Variants in PEX13 observed in about 807,000 individuals in gnomAD.
PEX13 encodes the protein peroxisome biogenesis factor 13.
In PEX13, 28 loss-of-function variants were observed where a neutral mutation model predicts 34.5. That is an observed-to-expected ratio of 0.81 (90% CI 0.60 to 1.11). The LOEUF is 1.11. Ranked by LOEUF, PEX13 falls within the 50% of genes most tolerant of loss-of-function variation. PEX13 has a pLI of 0.00. For synonymous variants in PEX13, 177 were observed against 175.1 expected (o/e 1.01, Z -0.09); for missense variants, 550 against 491.0 (o/e 1.12, Z -1.13).
At chr2:61,037,197 C>T (rs1487621962) in intron 2 of PEX13, among the ~76,000 whole-genome samples, 1 of 152,050 alleles carries the variant, frequency 6.6e-6, no homozygotes, top group African/African-American at 2.4e-5. Context: ...AGCCCACTGT[C>T]AATATTAGAT....
intron 2 of PEX13, among the ~76,000 whole-genome samples, chr2:61,033,740 T>C (rs1247401190): frequency 2.0e-5 from 3 of 152,088 alleles, no homozygotes; most frequent in Non-Finnish European, 4.4e-5. Context: ...CTACAGCTCT[T>C]TGAAGGAAGA....
rs1559020589 is a variant in PEX13, at chr2:61,017,828, A to C, written c.69A>C (p.Gly23=). Residue 23 remains glycine (G), a synonymous_variant, in exon 1 of 4, where the codon GGA becomes GGC. Transcript: ENST00000295030. ...ETRRIPGAGP[G]PGPGPTFQSA... ...GCCGAATTCCGGGAGCCGGACCGGG[A>C]CCAGGACCGGGCCCCACTTTCCAGT... The C allele has an allele frequency of 3.2e-6, 5 of 1,550,468 alleles. No homozygotes were observed. Among genetic ancestry groups the C allele is most frequent in the Non-Finnish European group, 4.4e-6 (5 of 1,146,770 alleles).
rs2104815229 is a variant in PEX13 at position 61,049,493 on chromosome 2, G to A, written c.*723G>A. 1 of 152,428 alleles carries A rather than the reference G, an allele frequency of 6.6e-6. No homozygotes were observed. Among genetic ancestry groups the A allele is most frequent in the Middle Eastern group, 3.4e-3 (1 of 294 alleles). 9.4% of individuals were successfully genotyped at this position (152,428 alleles called of 1,614,324 possible). On this transcript the variant is annotated 3_prime_UTR_variant, in exon 4 of 4. Transcript: ENST00000295030. The stretch of plus-strand genomic sequence containing the variant: ...ATCCCTTAATTATTTATCTCTTTAA[G>A]CCAGGCATGGTGGCTCACGCCTGTA...
chr2:61,028,520 G>A (rs1431997844), intron 1 of PEX13, among the ~76,000 whole-genome samples: 1 of 151,808 alleles, frequency 6.6e-6, no homozygotes, highest in East Asian at 1.9e-4. Flanking sequence ...CCGAGTAGCT[G>A]GGACTACAGG....
At chr2:61,035,747 G>T (rs1291359529) in intron 2 of PEX13, among the ~76,000 whole-genome samples, 1 of 152,100 alleles carries the variant, frequency 6.6e-6, no homozygotes, top group Non-Finnish European at 1.5e-5. Context: ...ACTTTGTGAG[G>T]CCAAGGCGGG....
intron 2 of PEX13, among the ~76,000 whole-genome samples, chr2:61,044,173 C>A (rs1680669117): frequency 6.6e-6 from 1 of 152,126 alleles, no homozygotes; most frequent in African/African-American, 2.4e-5. Flanking sequence ...TGGTCTTGAA[C>A]TCCTGGCCTC....
chr2:61,042,659 C>T (rs1680643321), intron 2 of PEX13, among the ~76,000 whole-genome samples: 1 of 151,912 alleles, frequency 6.6e-6, no homozygotes, highest in South Asian at 2.1e-4. Context: ...AGAATTTCCG[C>T]ATCAAAATAA....
At position 61,050,467 on chromosome 2, in the gene PEX13, A is replaced by C. The variant is rs1399549421; in HGVS notation, c.*1697A>C. The C allele has an allele frequency of 6.6e-6, 1 of 152,364 alleles. No individual in the cohort carries two copies. The highest frequency in any genetic ancestry group is 1.5e-5 in the Non-Finnish European group (1 of 68,040). The allele number at this position is 152,364 out of a possible 1,614,324, so 9.4% of individuals were successfully genotyped here. A position where few individuals can be genotyped will look rare whatever the true frequency, so the allele number is the denominator to read the frequency against. On this transcript the variant is annotated 3_prime_UTR_variant, in exon 4 of 4. Transcript: ENST00000295030. ...TTTAAATGCAGTTAACTTTCAGTAC[A>C]CTGAATATTTCCCCAGAAAATTGGA... is the stretch of plus-strand genomic sequence containing the variant.
chr2:61,038,143 C>A (rs1680565882), intron 2 of PEX13, among the ~76,000 whole-genome samples: 1 of 152,158 alleles, frequency 6.6e-6, no homozygotes, highest in Non-Finnish European at 1.5e-5. Flanking sequence ...AGTCCAGGAC[C>A]AGACAGATTC....
chr2:61,044,369 A>T (rs949511601), intron 2 of PEX13, among the ~76,000 whole-genome samples: 7 of 152,148 alleles, frequency 4.6e-5, no homozygotes, highest in African/African-American at 7.2e-5. Flanking sequence ...CCCAGGTTCA[A>T]GCGATTCAAG....
chr2:61,027,125 C>T (rs1680369918), intron 1 of PEX13, among the ~76,000 whole-genome samples: 1 of 150,550 alleles, frequency 6.6e-6, no homozygotes. Flanking sequence ...GAGTTGGAAA[C>T]CAGCCTCTCA....
Position 61,020,970 on chromosome 2 carries a change from T to G in PEX13, c.92+3119T>G, listed in dbSNP as rs191816602. 2.4e-3 allele frequency among the ~76,000 whole-genome samples: 359 copies of G among 152,306 alleles called. 1 individual carries two copies. Among genetic ancestry groups the G allele is most frequent in the Non-Finnish European group, 3.2e-3 (216 of 68,020 alleles). ...ATGCCCAGCCCTTACCTTGCTCAGA[T>G]TTTTATTGTGAAGAAATATTAAATT... On this transcript the variant is annotated intron_variant, in intron 1 of 3. Transcript: ENST00000295030.
In PEX13 at chr2:61,031,633, C is replaced by T. The variant is rs767987790; in HGVS notation, c.307C>T (p.Leu103=). The change falls in exon 2 of 4, where the codon CTG becomes TTG. Residue 103 remains leucine (L), a synonymous_variant. Coordinates refer to ENST00000295030, the MANE Select transcript of PEX13 (RefSeq NM_002618.4). The part of the protein sequence containing the change: ...YSPYSYGYNG[L]GYNRLRVDDL... ...TCCTTATAGTTATGGATATAATGGG[C>T]TGGGCTACAACCGCCTCCGTGTAGA... 21 of 1,613,920 alleles carry T rather than the reference C, an allele frequency of 1.3e-5. No homozygotes were observed. The highest frequency in any genetic ancestry group is 1.4e-5 in the Non-Finnish European group (17 of 1,179,980).
At chr2:61,047,090 G>A (rs1022068990) in intron 3 of PEX13, among the ~76,000 whole-genome samples, 2 of 150,924 alleles carry the variant, frequency 1.3e-5, no homozygotes, top group Non-Finnish European at 3.0e-5. Context: ...GCAACGTAGT[G>A]TAACCTTGTC....
chr2:61,049,102 A>C lies in PEX13; in HGVS notation c.*332A>C. 3 of 262,050 alleles carry C rather than the reference A, an allele frequency of 1.1e-5. No individual in the cohort carries two copies. Among genetic ancestry groups the C allele is most frequent in the Non-Finnish European group, 2.2e-5 (3 of 135,592 alleles). 16.2% of individuals were successfully genotyped at this position (262,050 alleles called of 1,614,324 possible). A position where few individuals can be genotyped will look rare whatever the true frequency, so the allele number is the denominator to read the frequency against. On this transcript the variant is annotated 3_prime_UTR_variant, in exon 4 of 4. Transcript: ENST00000295030. Reference sequence around the variant, plus strand: ...TAGCATGCACAGTTTGGTACAGTAGAGATCATTAATACTTTTAAAAGTTCT... The same window carrying C: ...TAGCATGCACAGTTTGGTACAGTAGCGATCATTAATACTTTTAAAAGTTCT...
At chr2:61,037,874 GA>G (rs1457481656) in intron 2 of PEX13, among the ~76,000 whole-genome samples, 1 of 151,514 alleles carries the variant, frequency 6.6e-6, no homozygotes, top group Non-Finnish European at 1.5e-5. Context: ...GACTAATAAA[GA>G]AAAGAGAGAA....
Position 61,048,588 on chromosome 2 carries a change from G to T in PEX13, c.1030G>T (p.Glu344Ter). The T allele has an allele frequency of 3.7e-6, 6 of 1,614,094 alleles. No individual in the cohort carries two copies. The highest frequency in any genetic ancestry group is 5.1e-6 in the Non-Finnish European group (6 of 1,180,014). ...CAAAAGAAAAGGTAGGAAAACGGTGGAATCAAGTAAAGTTTCCAAGCAGCA... is the reference window on the plus strand; with the variant it reads ...CAAAAGAAAAGGTAGGAAAACGGTGTAATCAAGTAAAGTTTCCAAGCAGCA... ...LGKRKGRKTV[E>*]SSKVSKQQQS... The change falls in exon 4 of 4, where the codon GAA (glutamate) becomes TAA (stop). Residue 344 changes from glutamate (E) to a stop codon, truncating the protein, a stop_gained. Coordinates refer to ENST00000295030, the MANE Select transcript of PEX13 (RefSeq NM_002618.4). LOFTEE classifies it high-confidence loss of function.
At chr2:61,022,742 C>T (rs2104796784) in intron 1 of PEX13, among the ~76,000 whole-genome samples, 1 of 152,200 alleles carries the variant, frequency 6.6e-6, no homozygotes, top group South Asian at 2.1e-4. Flanking sequence ...TGGTGTGTGC[C>T]TGTAGTCCTA....
chr2:61,034,630 C>T (rs766269840), intron 2 of PEX13, among the ~76,000 whole-genome samples: 9 of 152,332 alleles, frequency 5.9e-5, no homozygotes, highest in Non-Finnish European at 7.4e-5. Context: ...CTATGGTCCT[C>T]GCAACTGGCA....
Sources: allele counts gnomAD v4.1 joint callset (sites outside exome capture counted in the v4.1 genomes callset), GRCh38; gene constraint gnomAD v4.1.1; transcripts MANE v1.5; gene names NCBI Gene and HGNC (gene_info 2026-07-23, HGNC 2026-07-21).